The following DENND11 variants were observed in gnomAD, a reference collection of about 807,000 sequenced individuals.
DENND11 encodes DENN domain-containing protein 11.
Under a neutral mutation model 49.2 loss-of-function variants are expected in DENND11, and 34 were observed. The ratio of observed to expected loss-of-function variants is 0.69; its 90% confidence interval spans 0.53 to 0.92. The LOEUF (loss-of-function observed/expected upper bound fraction) is 0.92, where lower values mean the gene tolerates loss of function less well. DENND11 is among the 40% of genes least tolerant of loss of function. The probability of loss-of-function intolerance (pLI) is 0.00; values close to 1 mark genes in which losing one functional copy is unlikely to be tolerated. For missense variants in DENND11, 475 were observed against 581.6 expected, an observed-to-expected ratio of 0.82 and a Z score of 1.88; for synonymous variants, 238 against 230.3, an observed-to-expected ratio of 1.03 and a Z score of -0.30.
Position 141,660,649 on chromosome 7 carries a change from G to C in DENND11, c.*2007C>G, listed in dbSNP as rs1349387912. The C allele has an allele frequency of 6.6e-6, 1 of 152,230 alleles. No homozygotes were observed. The highest frequency in any genetic ancestry group is 1.5e-5 in the Non-Finnish European group (1 of 68,036). 9.4% of individuals were successfully genotyped at this position (152,230 alleles called of 1,614,324 possible). ...GGAGGTCTTCTTGTGTCCTCTAGGA[G>C]AATCAGACCTTTCCTTTCACTTCTA... is the stretch of plus-strand genomic sequence containing the variant. On this transcript the variant is annotated 3_prime_UTR_variant, in exon 9 of 9. Coordinates refer to ENST00000536163, the MANE Select transcript of DENND11 (RefSeq NM_001080392.2).
At chr7:141,669,244 GTT>G (rs36043478) in intron 4 of DENND11, among the ~76,000 whole-genome samples, 9 of 133,740 alleles carry the variant, frequency 6.7e-5, no homozygotes, top group Non-Finnish European at 6.4e-5. Context: ...CTTCTTTAAA[GTT>G]TTTTTTTTTT....
intron 1 of DENND11, among the ~76,000 whole-genome samples, chr7:141,698,277 A>G (rs530201946): frequency 6.6e-6 from 1 of 152,340 alleles, no homozygotes; most frequent in African/African-American, 2.4e-5. Flanking sequence ...TTAATTAAGC[A>G]GACTAAGAAC....
Position 141,665,035 on chromosome 7 carries a change from G to T in DENND11, c.972C>A (p.Phe324Leu). 6.2e-7 allele frequency: 1 copy of T among 1,613,886 alleles called. No individual in the cohort carries two copies. The highest frequency in any genetic ancestry group is 1.1e-5 in the South Asian group (1 of 91,062). Residue 324 changes from phenylalanine (F) to leucine (L), a missense_variant, in exon 7 of 9, where the codon TTC (phenylalanine) becomes TTA (leucine). Physicochemically the swap from Phe to Leu is conservative, Grantham distance 22 (BLOSUM62 0). Coordinates refer to ENST00000536163, the MANE Select transcript of DENND11 (RefSeq NM_001080392.2). ...SYVACTTEKI[F>L]EEKRELYDVY... is the part of the protein sequence containing the mutation. ...CGTCATACAGCTCCCGCTTCTCCTC[G>T]AATATCTTCTCTGTGGTGCCTGTGG... is the stretch of plus-strand genomic sequence containing the variant.
chr7:141,675,182 G>A (rs1181312488), intron 3 of DENND11, among the ~76,000 whole-genome samples: 2 of 152,160 alleles, frequency 1.3e-5, no homozygotes, highest in Non-Finnish European at 2.9e-5. Flanking sequence ...CAAACAGCAG[G>A]TGAACGTGAC....
intron 3 of DENND11, among the ~76,000 whole-genome samples, chr7:141,674,905 C>T (rs1798041832): frequency 6.6e-6 from 1 of 152,170 alleles, no homozygotes; most frequent in African/African-American, 2.4e-5. Context: ...TGGGCCATTT[C>T]AACAGTGGAG....
chr7:141,668,496 G>A lies in DENND11; in HGVS notation c.682-2071C>T, dbSNP rs181253727. On this transcript the variant is annotated intron_variant, in intron 4 of 8. Coordinates refer to ENST00000536163, the MANE Select transcript of DENND11 (RefSeq NM_001080392.2). Reference sequence around the variant, plus strand: ...AGCTACTTGGGAGGCTGAGGCAGAAGAATTGCTTGAATCTGGGAGGCAGAG... The same window carrying A: ...AGCTACTTGGGAGGCTGAGGCAGAAAAATTGCTTGAATCTGGGAGGCAGAG... Among the ~76,000 whole-genome samples the A allele has an allele frequency of 9.8e-5, 15 of 152,322 alleles. No homozygotes were observed. In the East Asian group the frequency reaches 2.7e-3, roughly 27 times the overall value.
chr7:141,681,047 G>T (rs150093658), intron 3 of DENND11, among the ~76,000 whole-genome samples: 10 of 152,254 alleles, frequency 6.6e-5, no homozygotes, highest in African/African-American at 2.4e-4. Flanking sequence ...GAAGGGGAGG[G>T]TGGTGAGAAA....
intron 4 of DENND11, among the ~76,000 whole-genome samples, chr7:141,672,956 A>G (rs1562997893): frequency 6.6e-6 from 1 of 152,152 alleles, no homozygotes; most frequent in Non-Finnish European, 1.5e-5. Context: ...CTACTATTTA[A>G]AGCTCTCTAC....
chr7:141,681,976 A>T (rs1246282063), intron 3 of DENND11, among the ~76,000 whole-genome samples: 1 of 152,242 alleles, frequency 6.6e-6, no homozygotes, highest in South Asian at 2.1e-4. Flanking sequence ...ATTCTTGCTC[A>T]GCAGAATTTC....
intron 1 of DENND11, among the ~76,000 whole-genome samples, chr7:141,694,809 G>A (rs1009026496): frequency 2.6e-5 from 4 of 152,106 alleles, no homozygotes; most frequent in Non-Finnish European, 5.9e-5. Context: ...AAGCCATGTC[G>A]GAATATACAA....
At chr7:141,696,101 C>T (rs1192550774) in intron 1 of DENND11, among the ~76,000 whole-genome samples, 4 of 152,190 alleles carry the variant, frequency 2.6e-5, no homozygotes, top group South Asian at 2.1e-4. Flanking sequence ...GTCAGTGTCG[C>T]GCCTGGCTGA....
At chr7:141,680,292 AAC>A (rs34109615) in intron 3 of DENND11, among the ~76,000 whole-genome samples, 17,955 of 152,140 alleles carry the variant, frequency 0.12, 1,425 homozygotes, top group East Asian at 0.35. Context: ...GGTGCAAAAC[AAC>A]ACAAATAACA....
chr7:141,694,884 C>T (rs1405499155), intron 1 of DENND11, among the ~76,000 whole-genome samples: 1 of 152,176 alleles, frequency 6.6e-6, no homozygotes, highest in Non-Finnish European at 1.5e-5. Context: ...TGCCATGCAC[C>T]TCTAGCGTCA....
chr7:141,701,688 C>A (rs1002408989), intron 1 of DENND11, 198 bp downstream of exon 1: 14 of 340,222 alleles, frequency 4.1e-5, no homozygotes, highest in East Asian at 4.1e-4. Flanking sequence ...GCGCCAGCAC[C>A]CAGCTGCGCC....
At chr7:141,689,379 A>G (rs919191567) in intron 1 of DENND11, among the ~76,000 whole-genome samples, 1 of 152,164 alleles carries the variant, frequency 6.6e-6, no homozygotes, top group African/African-American at 2.4e-5. Flanking sequence ...GCATGTTCTC[A>G]CTCATAAGTG....
intron 3 of DENND11, among the ~76,000 whole-genome samples, chr7:141,679,794 G>T (rs1798121550): frequency 6.7e-6 from 1 of 148,248 alleles, no homozygotes; most frequent in African/African-American, 2.5e-5. Context: ...CACAGAAAAA[G>T]AAATACAAAT....
intron 3 of DENND11, among the ~76,000 whole-genome samples, chr7:141,682,939 T>C (rs1404258838): frequency 6.7e-6 from 1 of 149,278 alleles, no homozygotes; most frequent in East Asian, 2.1e-4. Context: ...CTTCATAATA[T>C]TACTTCTGAG....
intron 1 of DENND11, among the ~76,000 whole-genome samples, chr7:141,701,320 C>T (rs1019759653): frequency 4.0e-5 from 6 of 150,914 alleles, no homozygotes; most frequent in Non-Finnish European, 7.4e-5. Context: ...TGAACTTGGC[C>T]GCTAGGAAAG....
In DENND11 at chr7:141,664,990, A is replaced by G; in HGVS notation, c.1017T>C (p.Asn339=). 6.2e-7 allele frequency: 1 copy of G among 1,613,742 alleles called. No individual in the cohort carries two copies. Among genetic ancestry groups the G allele is most frequent in the Non-Finnish European group, 8.5e-7 (1 of 1,179,842 alleles). ...ELYDVYVDNQ[N]VKTHHDHLQP... is the part of the protein sequence containing the mutation. ...GCAGGTGGTCGTGGTGTGTCTTCAC[A>G]TTCTGGTTATCCACGTAGACGTCAT... Residue 339 remains asparagine (N), a synonymous_variant, in exon 7 of 9, where the codon AAT becomes AAC. Coordinates refer to ENST00000536163, the MANE Select transcript of DENND11 (RefSeq NM_001080392.2).
Sources: allele counts gnomAD v4.1 joint callset (sites outside exome capture counted in the v4.1 genomes callset), GRCh38; gene constraint gnomAD v4.1.1; transcripts MANE v1.5; gene names NCBI Gene and HGNC (gene_info 2026-07-23, HGNC 2026-07-21).